The following PDE3B variants were observed in gnomAD, a reference collection of about 807,000 sequenced individuals.
PDE3B encodes the protein cGMP-inhibited 3',5'-cyclic phosphodiesterase 3B.
Under a neutral mutation model 116.8 loss-of-function variants are expected in PDE3B, and 66 were observed. The observed-to-expected ratio is 0.56, with a 90% confidence interval of 0.46 to 0.69. The LOEUF (loss-of-function observed/expected upper bound fraction) is 0.69. Among genes scored for constraint, PDE3B ranks in the 30% least tolerant of loss-of-function variants. The pLI, the probability that PDE3B is intolerant of heterozygous loss-of-function variation, is 0.00. For synonymous variants in PDE3B, 595 were observed against 533.6 expected (o/e 1.12, Z -1.59); for missense variants, 1,384 against 1,368.1 (o/e 1.01, Z -0.18).
At chr11:14,780,153 A>G (rs555035715) in intron 2 of PDE3B, among the ~76,000 whole-genome samples, 4 of 152,360 alleles carry the variant, frequency 2.6e-5, no homozygotes, top group African/African-American at 9.6e-5. Flanking sequence ...AGGAGCACCC[A>G]GATTCATAAA....
intron 1 of PDE3B, among the ~76,000 whole-genome samples, chr11:14,672,788 CAAGT>C (rs1854412004): frequency 6.6e-6 from 1 of 152,012 alleles, no homozygotes. Flanking sequence ...TTATTTTAAA[CAAGT>C]GAGGTGAAAG....
In PDE3B at chr11:14,757,219, C is replaced by T. The variant is rs878938814; in HGVS notation, c.979-14718C>T. 1.4e-3 allele frequency among the ~76,000 whole-genome samples: 215 copies of T among 151,492 alleles called. 5 individuals are homozygous for T. The highest frequency in any genetic ancestry group is 1.3e-3 in the South Asian group (6 of 4,782). ...GTCTATCATTGTTGGACATTTGGGT[C>T]GGTTCCAAGTCTTTGCTATTGTGAA... On this transcript the variant is annotated intron_variant, in intron 1 of 15. Transcript: ENST00000282096.
chr11:14,701,363 A>G (rs1329828075), intron 1 of PDE3B, among the ~76,000 whole-genome samples: 5 of 151,750 alleles, frequency 3.3e-5, no homozygotes, highest in Non-Finnish European at 7.4e-5. Context: ...ATCAAAAATT[A>G]TTTCAAAGTT....
At chr11:14,793,416 A>G (rs761909859) in intron 4 of PDE3B, among the ~76,000 whole-genome samples, 2 of 152,174 alleles carry the variant, frequency 1.3e-5, no homozygotes, top group East Asian at 1.9e-4. Context: ...AGTTTTGACT[A>G]TATTTTAACT....
At chr11:14,874,189 T>C (rs1555009464), downstream of PDE3B, among the ~76,000 whole-genome samples, 1 of 152,234 alleles carries the variant, frequency 6.6e-6, no homozygotes, top group East Asian at 1.9e-4. Context: ...CCTTGTTTTA[T>C]TAAGATCATG....
At chr11:14,712,965 T>G (rs1226140129) in intron 1 of PDE3B, among the ~76,000 whole-genome samples, 1 of 152,184 alleles carries the variant, frequency 6.6e-6, no homozygotes, top group African/African-American at 2.4e-5. Context: ...CCTTAATATA[T>G]CTCATAAAGT....
chr11:14,740,937 C>T (rs1856751635), intron 1 of PDE3B, among the ~76,000 whole-genome samples: 1 of 152,200 alleles, frequency 6.6e-6, no homozygotes, highest in South Asian at 2.1e-4. Flanking sequence ...ATCCTAAGTT[C>T]TAATTTGATT....
chr11:14,877,778 C>G, the PDE3B span: 1 of 218,166 alleles, frequency 4.6e-6, no homozygotes, highest in African/African-American at 2.3e-5. Flanking sequence ...CCAAGGCCCC[C>G]CAGGACAGAA....
intron 2 of PDE3B, among the ~76,000 whole-genome samples, chr11:14,780,843 C>CA (rs1180274861): frequency 8.6e-5 from 13 of 151,988 alleles, no homozygotes; most frequent in African/African-American, 3.1e-4. Flanking sequence ...GATAGAGACA[C>CA]AAAAAACCCT....
intron 1 of PDE3B, among the ~76,000 whole-genome samples, chr11:14,680,629 T>C (rs1259875391): frequency 1.3e-5 from 2 of 152,262 alleles, no homozygotes; most frequent in Non-Finnish European, 2.9e-5. Context: ...TGTACACTTA[T>C]TGTTATACAT....
intron 2 of PDE3B, among the ~76,000 whole-genome samples, chr11:14,777,003 C>T (rs1327029258): frequency 6.6e-6 from 1 of 151,580 alleles, no homozygotes; most frequent in Non-Finnish European, 1.5e-5. Flanking sequence ...CAAATAATTA[C>T]AAAGTATCTT....
rs551154386 is a variant in PDE3B, at chr11:14,797,742, T to C, written c.1416-6202T>C. ...TGGCTCTCTTGTTTGTCTGTTTTTGTTGTATAGGAATGCTTGTGATTTTTG... is the reference window on the plus strand; with the variant it reads ...TGGCTCTCTTGTTTGTCTGTTTTTGCTGTATAGGAATGCTTGTGATTTTTG... On this transcript the variant is annotated intron_variant, in intron 4 of 15. Coordinates refer to ENST00000282096, the MANE Select transcript of PDE3B (RefSeq NM_000922.4). Among the ~76,000 whole-genome samples the C allele has an allele frequency of 2.0e-5, 3 of 152,064 alleles. No individual in the cohort carries two copies. In the South Asian group the frequency reaches 6.2e-4, roughly 32 times the overall value.
Position 14,772,099 on chromosome 11 carries a change from C to T in PDE3B, c.1029+112C>T, listed in dbSNP as rs1021893570. On this transcript the variant is annotated intron_variant, in intron 2 of 15. Transcript: ENST00000282096. ...AGTTACACTCACAATATTTCTGTGC[C>T]ATAAGATTTTCTTTAACTAAACTAA... 1.1e-5 allele frequency: 6 copies of T among 541,982 alleles called. No homozygotes were observed. The Admixed American group carries it at 2.2e-4, about 20-fold the overall frequency. The allele number at this position is 541,982 out of a possible 1,614,324, so 33.6% of individuals were successfully genotyped here.
intron 12 of PDE3B, among the ~76,000 whole-genome samples, chr11:14,852,537 C>G (rs914453592): frequency 2.0e-5 from 3 of 152,184 alleles, no homozygotes; most frequent in Non-Finnish European, 1.5e-5. Context: ...GTTGTGAAGT[C>G]TGAACATGAT....
At chr11:14,663,487 T>A (rs2133766687) in intron 1 of PDE3B, among the ~76,000 whole-genome samples, 1 of 152,094 alleles carries the variant, frequency 6.6e-6, no homozygotes. Context: ...ATGGGCTAAA[T>A]GCTCCAATTA....
chr11:14,826,890 C>T (rs1301393832), intron 7 of PDE3B, among the ~76,000 whole-genome samples: 1 of 152,106 alleles, frequency 6.6e-6, no homozygotes, highest in Admixed American at 6.6e-5. Flanking sequence ...AAGCCAATAT[C>T]CTTGATGAAA....
chr11:14,860,264 T>C (rs1555006880), intron 13 of PDE3B, among the ~76,000 whole-genome samples: 1 of 152,200 alleles, frequency 6.6e-6, no homozygotes, highest in Non-Finnish European at 1.5e-5. Context: ...GACTTCTATT[T>C]TGAAGTCTCT....
chr11:14,767,414 A>G (rs1036372392), intron 1 of PDE3B, among the ~76,000 whole-genome samples: 10 of 151,470 alleles, frequency 6.6e-5, no homozygotes, highest in African/African-American at 2.4e-4. Flanking sequence ...TATTGTTTGC[A>G]TTAGAGTCCT....
At position 14,843,863 on chromosome 11, in the gene PDE3B, A is replaced by G; in HGVS notation, c.2357A>G (p.Tyr786Cys). The change falls in exon 12 of 16, where the codon TAT becomes TGT. Residue 786 changes from tyrosine (Y) to cysteine (C), a missense_variant. Tyr to Cys is a radical substitution (Grantham distance 194, BLOSUM62 -2). Around this residue, in one of 2 missense-constraint regions of PDE3B, gnomAD observed 428 missense variants for 561.4 expected, o/e 0.76. Coordinates refer to ENST00000282096, the MANE Select transcript of PDE3B (RefSeq NM_000922.4). Reference sequence around the variant, plus strand: ...AGAATTAACCATGGGCGAATTGCTTATATTTCTTCGAAGAGCTGCTCTAAT... The same window carrying G: ...AGAATTAACCATGGGCGAATTGCTTGTATTTCTTCGAAGAGCTGCTCTAAT... Reference protein sequence around the residue: ...DGRINHGRIAYISSKSCSNPD... With the variant: ...DGRINHGRIACISSKSCSNPD... 6.2e-7 allele frequency: 1 copy of G among 1,614,132 alleles called. No individual in the cohort carries two copies. Among genetic ancestry groups the G allele is most frequent in the Non-Finnish European group, 8.5e-7 (1 of 1,179,974 alleles).
Sources: gnomAD v4.1 joint callset for allele counts (sites outside exome capture counted in the v4.1 genomes callset) on GRCh38, gnomAD v4.1.1 for gene constraint, gnomAD v4.1.1 regional missense constraint, MANE v1.5 for transcripts, NCBI Gene and HGNC (gene_info 2026-07-23, HGNC 2026-07-21) for gene names.